Variants in IL9 observed in about 807,000 individuals in gnomAD.
IL9 encodes the protein interleukin-9.
IL9 carries 16 observed loss-of-function variants against 12.9 expected under a neutral mutation model. The observed-to-expected ratio is 1.24, with a 90% CI of 0.84 to 1.88. IL9 has a LOEUF of 1.88. IL9 is among the 40% of genes most tolerant of loss of function. The probability of loss-of-function intolerance (pLI) is 0.00; values close to 1 mark genes in which losing one functional copy is unlikely to be tolerated. For missense variants in IL9, 170 were observed against 173.1 expected (o/e 0.98, Z 0.10); for synonymous variants, 69 against 63.8 (o/e 1.08, Z -0.39).
Position 135,895,754 on chromosome 5 carries a change from A to G in IL9, c.63T>C (p.Cys21=), listed in dbSNP as rs975248428. The change falls in exon 1 of 5, where the codon TGT becomes TGC. Residue 21 remains cysteine, a synonymous_variant. Transcript: ENST00000274520. ...TGTCCAGGATCCCCGCCAAGGTTGG[A>G]CACCCCTGGCCTGCCACGGAGCACA... ...LLLCSVAGQG[C]PTLAGILDIN... 6.2e-7 allele frequency: 1 copy of G among 1,614,122 alleles called. No individual in the cohort carries two copies. The highest frequency in any genetic ancestry group is 8.5e-7 in the Non-Finnish European group (1 of 1,179,998).
chr5:135,895,605 G>A lies in IL9; in HGVS notation c.115-15C>T. 6.2e-7 allele frequency: 1 copy of A among 1,613,954 alleles called. No homozygotes were observed. The highest frequency in any genetic ancestry group is 8.5e-7 in the Non-Finnish European group (1 of 1,179,790). On this transcript the variant is annotated splice_polypyrimidine_tract_variant and intron_variant, in intron 1 of 4. Coordinates refer to ENST00000274520, the MANE Select transcript of IL9 (RefSeq NM_000590.2). ...GCTGGATCTTCCTAAAGTAGATAGA[G>A]AGATAAGAACCTTTAGTCAGCCCCG...
chr5:135,895,592 T>C lies in IL9; in HGVS notation c.115-2A>G, dbSNP rs370719672. On this transcript the variant is annotated splice_acceptor_variant, in intron 1 of 4. Transcript: ENST00000274520. LOFTEE classifies it high-confidence loss of function. ...GTGGCACTTGGAAGCTGGATCTTCC[T>C]AAAGTAGATAGAGAGATAAGAACCT... The C allele has an allele frequency of 1.2e-6, 2 of 1,613,986 alleles. No individual in the cohort carries two copies. Among genetic ancestry groups the C allele is most frequent in the African/African-American group, 2.7e-5 (2 of 74,952 alleles).
intron 4 of IL9, among the ~76,000 whole-genome samples, chr5:135,893,502 C>T (rs1447790402): frequency 1.3e-5 from 2 of 152,134 alleles, no homozygotes; most frequent in East Asian, 1.9e-4. Flanking sequence ...ATGCCAGCTA[C>T]TCGGGAGGCT....
intron 4 of IL9, among the ~76,000 whole-genome samples, chr5:135,893,287 C>A (rs1367452041): frequency 6.6e-6 from 1 of 152,164 alleles, no homozygotes; most frequent in Non-Finnish European, 1.5e-5. Context: ...CAAGCTTCCA[C>A]CTTGACCTGG....
chr5:135,895,087 A>G (rs541883222), intron 3 of IL9, among the ~76,000 whole-genome samples: 14 of 152,374 alleles, frequency 9.2e-5, no homozygotes, highest in Admixed American at 2.6e-4. Context: ...GCAATATGAT[A>G]TGAGCTACAG....
At chr5:135,892,733 TACAC>T (rs59978451) in intron 4 of IL9, among the ~76,000 whole-genome samples, 8,694 of 137,736 alleles carry the variant, frequency 0.063, 278 homozygotes, top group Middle Eastern at 0.12. Flanking sequence ...CAGGGGTCTT[TACAC>T]ACACACACAC....
intron 4 of IL9, 101 bp from the exon 5 acceptor site, chr5:135,892,611 T>C: frequency 7.4e-7 from 1 of 1,348,772 alleles, no homozygotes; most frequent in African/African-American, 1.5e-5. Context: ...GTGGTGAGGA[T>C]TGTGGGGATG....
Position 135,894,156 on chromosome 5 carries a change from T to C in IL9, c.184-5A>G. On this transcript the variant is annotated splice_polypyrimidine_tract_variant and splice_region_variant and intron_variant, in intron 3 of 4. Coordinates refer to ENST00000274520, the MANE Select transcript of IL9 (RefSeq NM_000590.2). ...GCATGGTCTGGTGCAGTTGTCCTGG[T>C]AAATAGTAAGGATTTATTCAAAGAA... is the stretch of plus-strand genomic sequence containing the variant. The C allele has an allele frequency of 6.2e-7, 1 of 1,611,312 alleles. No homozygotes were observed. Among genetic ancestry groups the C allele is most frequent in the Non-Finnish European group, 8.5e-7 (1 of 1,179,166 alleles).
At position 135,892,793 on chromosome 5, in the gene IL9, C is replaced by T. The variant is rs113551202; in HGVS notation, c.316-283G>A. On this transcript the variant is annotated intron_variant, in intron 4 of 4. Coordinates refer to ENST00000274520, the MANE Select transcript of IL9 (RefSeq NM_000590.2). ...ACACACACACACCCCTATTAAGTGG[C>T]CCTAAATCTCTGCATTAGAGAAAGC... Among the ~76,000 whole-genome samples, 434 of 151,110 alleles carry T rather than the reference C, an allele frequency of 2.9e-3. 4 individuals are homozygous for T. The highest frequency in any genetic ancestry group is 0.01 in the African/African-American group (415 of 41,150).
At chr5:135,894,458 C>T (rs935154500) in intron 3 of IL9, among the ~76,000 whole-genome samples, 6 of 152,298 alleles carry the variant, frequency 3.9e-5, no homozygotes, top group South Asian at 4.1e-4. Flanking sequence ...GGCTTCAAGG[C>T]TTGTAAGTCT....
chr5:135,893,605 C>T (rs1330631978), intron 4 of IL9, among the ~76,000 whole-genome samples: 1 of 152,130 alleles, frequency 6.6e-6, no homozygotes, highest in East Asian at 1.9e-4. Context: ...GAGCAAGACT[C>T]TGTCTCCAAA....
chr5:135,892,978 G>C (rs571617964), intron 4 of IL9, among the ~76,000 whole-genome samples: 1 of 152,254 alleles, frequency 6.6e-6, no homozygotes, highest in East Asian at 1.9e-4. Context: ...TGCAGCCTTA[G>C]GCAAATTAGT....
chr5:135,893,418 C>A (rs571840770), intron 4 of IL9, among the ~76,000 whole-genome samples: 2 of 152,028 alleles, frequency 1.3e-5, no homozygotes, highest in African/African-American at 4.8e-5. Context: ...TGGAGAGCAA[C>A]CTGGCCAACA....
At chr5:135,893,771 T>A (rs1762905964) in intron 4 of IL9, among the ~76,000 whole-genome samples, 1 of 152,236 alleles carries the variant, frequency 6.6e-6, no homozygotes, top group African/African-American at 2.4e-5. Flanking sequence ...GAAAGGATTC[T>A]TTCATTATTC....
chr5:135,895,005 T>C (rs1293179983), intron 3 of IL9, among the ~76,000 whole-genome samples: 2 of 152,162 alleles, frequency 1.3e-5, no homozygotes, highest in Non-Finnish European at 2.9e-5. Flanking sequence ...TCATGACAGA[T>C]GAAAGATAAG....
chr5:135,894,653 T>C (rs887705277), intron 3 of IL9, among the ~76,000 whole-genome samples: 10 of 152,252 alleles, frequency 6.6e-5, no homozygotes, highest in Admixed American at 2.0e-4. Context: ...TGGACCGCGA[T>C]GGGTGCGATG....
chr5:135,894,313 G>C (rs187244387), intron 3 of IL9, among the ~76,000 whole-genome samples, 162 bp from the exon 4 acceptor site: 2 of 152,264 alleles, frequency 1.3e-5, no homozygotes, highest in Middle Eastern at 3.4e-3. Flanking sequence ...GTGATCTCCC[G>C]TATTTAAAGG....
Position 135,892,504 on chromosome 5 carries a change from A to G in IL9, c.322T>C (p.Ser108Pro), listed in dbSNP as rs1762884169. ...GTTTGGTTGCATGGCTGTTCACAGG[A>G]AAAATACTGTGGGGATGAAAGTTGA... ...VLKNNKCPYF[S>P]CEQPCNQTTA... The change falls in exon 5 of 5, where the codon TCC becomes CCC. Residue 108 changes from serine (S) to proline (P), a missense_variant. Ser to Pro is a moderately conservative substitution (Grantham distance 74). Coordinates refer to ENST00000274520, the MANE Select transcript of IL9 (RefSeq NM_000590.2). 7.4e-6 allele frequency: 12 copies of G among 1,611,720 alleles called. No individual in the cohort carries two copies. The highest frequency in any genetic ancestry group is 1.0e-5 in the Non-Finnish European group (12 of 1,179,178).
Position 135,892,521 on chromosome 5 carries a change from G to A in IL9, c.316-11C>T, listed in dbSNP as rs757360736. The A allele has an allele frequency of 1.2e-6, 2 of 1,609,634 alleles. No individual in the cohort carries two copies. Among genetic ancestry groups the A allele is most frequent in the South Asian group, 2.2e-5 (2 of 89,786 alleles). On this transcript the variant is annotated splice_polypyrimidine_tract_variant and intron_variant, in intron 4 of 4. Coordinates refer to ENST00000274520, the MANE Select transcript of IL9 (RefSeq NM_000590.2). ...TTCACAGGAAAAATACTGTGGGGAT[G>A]AAAGTTGATAAGGACAGAGTGACTC...
Sources: gnomAD v4.1 joint callset for allele counts (sites outside exome capture counted in the v4.1 genomes callset) on GRCh38, gnomAD v4.1.1 for gene constraint, MANE v1.5 for transcripts, NCBI Gene and HGNC (gene_info 2026-07-23, HGNC 2026-07-21) for gene names.